The following TRPM3 variants were observed in gnomAD, a reference collection of about 807,000 sequenced individuals.
The protein encoded by TRPM3 is long transient receptor potential channel 3.
In TRPM3, 77 loss-of-function variants were observed where a neutral mutation model predicts 181.2. The ratio of observed to expected loss-of-function variants is 0.42; its 90% CI spans 0.35 to 0.51. The LOEUF (loss-of-function observed/expected upper bound fraction) is 0.51, where lower values mean the gene tolerates loss of function less well. Among genes scored for constraint, TRPM3 ranks in the 20% least tolerant of loss-of-function variants. The pLI is 0.01. For missense variants in TRPM3, 1,759 were observed against 2,196.7 expected (o/e 0.80, Z 3.98); for synonymous variants, 745 against 796.4 (o/e 0.94, Z 1.09).
chr9:70,770,944 A>G (rs894588821), intron 7 of TRPM3, among the ~76,000 whole-genome samples: 5 of 152,260 alleles, frequency 3.3e-5, no homozygotes, highest in East Asian at 1.9e-4. Context: ...CAGTAATTCT[A>G]TGAAATTCGG....
intron 1 of TRPM3, among the ~76,000 whole-genome samples, chr9:71,358,092 C>A (rs936270658): frequency 6.6e-6 from 1 of 152,148 alleles, no homozygotes. Context: ...AAAGAACCTA[C>A]ATACTGACTA....
intron 1 of TRPM3, among the ~76,000 whole-genome samples, chr9:71,334,231 C>T (rs2090408587): frequency 6.6e-6 from 1 of 151,616 alleles, no homozygotes; most frequent in East Asian, 1.9e-4. Flanking sequence ...GACCTTGAAC[C>T]ACTCAAAGCT....
intron 1 of TRPM3, among the ~76,000 whole-genome samples, chr9:71,240,094 A>G (rs2131960531): frequency 6.6e-6 from 1 of 152,326 alleles, no homozygotes; most frequent in Admixed American, 6.5e-5. Flanking sequence ...ATCTAAATAT[A>G]GCTGAGAGGG....
Position 70,649,192 on chromosome 9 carries a change from CT to C in TRPM3, c.1346-8533del, listed in dbSNP as rs58145886. 1.7e-3 allele frequency among the ~76,000 whole-genome samples: 248 copies of C among 144,152 alleles called. 1 individual carries two copies. The highest frequency in any genetic ancestry group is 3.5e-3 in the Middle Eastern group (1 of 282). The allele number at this position is 144,152 out of a possible 152,430, so 94.6% of individuals were successfully genotyped here. A position where few individuals can be genotyped will look rare whatever the true frequency, so the allele number is the denominator to read the frequency against. ...GATGGGCAAAAGACATGAACAGACA[CT>C]TTTTTTTTTTTTTGAGATGGAGTCT... On this transcript the variant is annotated intron_variant, in intron 9 of 25. Coordinates refer to ENST00000677713, the MANE Select transcript of TRPM3 (RefSeq NM_001366145.2).
At chr9:71,162,199 CAA>C (rs35947110) in intron 1 of TRPM3, among the ~76,000 whole-genome samples, 2 of 74,428 alleles carry the variant, frequency 2.7e-5, no homozygotes, top group African/African-American at 5.4e-5. Flanking sequence ...GACTCTGTCT[CAA>C]AAAAAAAAAA....
At chr9:71,401,197 C>CAAAAAAAAAAAAAAAAAAA (rs59425467) in intron 1 of TRPM3, among the ~76,000 whole-genome samples, 10 of 105,766 alleles carry the variant, frequency 9.5e-5, no homozygotes, top group Admixed American at 2.1e-4. Context: ...GACACCATCG[C>CAAAAAAAAAAAAAAAAAAA]AAAAAAAAAA....
At chr9:71,329,854 A>G (rs1321266909) in intron 1 of TRPM3, among the ~76,000 whole-genome samples, 2 of 152,216 alleles carry the variant, frequency 1.3e-5, no homozygotes, top group African/African-American at 4.8e-5. Context: ...AGCACCTGCT[A>G]TGTGAGAGCA....
intron 1 of TRPM3, among the ~76,000 whole-genome samples, chr9:70,980,547 G>T (rs1232496210): frequency 6.6e-6 from 1 of 152,098 alleles, no homozygotes; most frequent in Non-Finnish European, 1.5e-5. Flanking sequence ...TCTGGAGGCT[G>T]CTCCCCGGGG....
At chr9:71,435,793 T>C (rs1344257061) in intron 1 of TRPM3, among the ~76,000 whole-genome samples, 2 of 152,248 alleles carry the variant, frequency 1.3e-5, no homozygotes, top group Non-Finnish European at 2.9e-5. Flanking sequence ...GCTAATCATT[T>C]GACCTTAAAA....
chr9:71,193,441 A>G (rs2078151693), intron 1 of TRPM3, among the ~76,000 whole-genome samples: 1 of 151,804 alleles, frequency 6.6e-6, no homozygotes, highest in Non-Finnish European at 1.5e-5. Context: ...TCTTTAATGA[A>G]TTCAAATCCC....
intron 1 of TRPM3, among the ~76,000 whole-genome samples, chr9:71,298,800 G>T (rs2086523449): frequency 6.6e-6 from 1 of 152,010 alleles, no homozygotes; most frequent in Non-Finnish European, 1.5e-5. Flanking sequence ...GCTTTCACCT[G>T]CAGAATAAAT....
chr9:71,010,675 G>A (rs1201621749), intron 1 of TRPM3, among the ~76,000 whole-genome samples: 1 of 152,136 alleles, frequency 6.6e-6, no homozygotes, highest in Non-Finnish European at 1.5e-5. Flanking sequence ...TGAACTGTTG[G>A]TGGGGATGTA....
intron 1 of TRPM3, among the ~76,000 whole-genome samples, chr9:71,050,396 TAC>T (rs1260517501): frequency 6.6e-6 from 1 of 152,162 alleles, no homozygotes; most frequent in African/African-American, 2.4e-5. Context: ...AGAGATAAGA[TAC>T]AGTTTTGCTC....
chr9:70,927,532 GAGAA>G (rs2096732456), intron 1 of TRPM3, among the ~76,000 whole-genome samples: 1 of 152,146 alleles, frequency 6.6e-6, no homozygotes, highest in Non-Finnish European at 1.5e-5. Context: ...TTTTCTTATG[GAGAA>G]AGAGAGAAAA....
chr9:71,188,769 CAG>C (rs1197436906), intron 1 of TRPM3, among the ~76,000 whole-genome samples: 1 of 151,880 alleles, frequency 6.6e-6, no homozygotes, highest in African/African-American at 2.4e-5. Context: ...AGCTTTGTGA[CAG>C]TGAACAAGTT....
intron 1 of TRPM3, among the ~76,000 whole-genome samples, chr9:71,364,050 A>G (rs1488071839): frequency 6.6e-6 from 1 of 152,202 alleles, no homozygotes; most frequent in Non-Finnish European, 1.5e-5. Flanking sequence ...AGGAAAAAAA[A>G]TAAGACTGGA....
chr9:70,773,480 G>A (rs1179989477), intron 7 of TRPM3, among the ~76,000 whole-genome samples: 2 of 152,100 alleles, frequency 1.3e-5, no homozygotes, highest in Non-Finnish European at 2.9e-5. Flanking sequence ...GAGGGTCAGA[G>A]GTGTGGGAAA....
intron 1 of TRPM3, among the ~76,000 whole-genome samples, chr9:71,109,653 A>G (rs986406897): frequency 1.3e-5 from 2 of 152,198 alleles, no homozygotes; most frequent in African/African-American, 4.8e-5. Context: ...AAGTACCTAG[A>G]CAATCTACCA....
At chr9:71,295,091 A>G (rs1284867477) in intron 1 of TRPM3, among the ~76,000 whole-genome samples, 1 of 152,164 alleles carries the variant, frequency 6.6e-6, no homozygotes, top group Non-Finnish European at 1.5e-5. Context: ...GCTATTCTTT[A>G]TGCTCTTGTT....
Sources: gnomAD v4.1 joint callset for allele counts (sites outside exome capture counted in the v4.1 genomes callset) on GRCh38, gnomAD v4.1.1 for gene constraint, MANE v1.5 for transcripts, NCBI Gene and HGNC (gene_info 2026-07-23, HGNC 2026-07-21) for gene names.